Variants in PICALM observed in about 807,000 individuals in gnomAD.
PICALM encodes the protein phosphatidylinositol binding clathrin assembly protein.
In PICALM, 40 loss-of-function variants were observed where a neutral mutation model predicts 80.5. The ratio of observed to expected loss-of-function variants is 0.50; its 90% CI spans 0.39 to 0.65. The LOEUF is 0.65. Among genes scored for constraint, PICALM ranks in the 30% least tolerant of loss-of-function variants. The pLI is 0.00. For missense variants in PICALM, 676 were observed against 778.9 expected, an observed-to-expected ratio of 0.87 and a Z score of 1.57; for synonymous variants, 288 against 260.3, an observed-to-expected ratio of 1.11 and a Z score of -1.02.
chr11:85,974,943 A>G (rs965633852), intron 18 of PICALM, 131 bp from the exon 19 acceptor site: 6 of 666,440 alleles, frequency 9.0e-6, no homozygotes, highest in African/African-American at 1.8e-5. Flanking sequence ...TCCTCTGAAT[A>G]TAAGTAAGAC....
At chr11:85,961,256 C>A (rs777363327) in intron 19 of PICALM, among the ~76,000 whole-genome samples, 1 of 152,114 alleles carries the variant, frequency 6.6e-6, no homozygotes, top group African/African-American at 2.4e-5. Context: ...TCATAAGGGT[C>A]GAAAAGTCCT....
chr11:85,997,902 C>T lies in PICALM; in HGVS notation c.1155-973G>A, dbSNP rs1404448019. Among the ~76,000 whole-genome samples the T allele has an allele frequency of 2.6e-5, 4 of 152,006 alleles. No homozygotes were observed. The East Asian group carries it at 5.8e-4, about 22-fold the overall frequency. ...GGTTCCAGTGACTGGCATGCCTTAG[C>T]CTCCCAAGAAGCTGGGATTAAAGGT... is the stretch of plus-strand genomic sequence containing the variant. On this transcript the variant is annotated intron_variant, in intron 11 of 19. Coordinates refer to ENST00000393346, the MANE Select transcript of PICALM (RefSeq NM_007166.4).
chr11:85,960,219 T>C (rs908007001), intron 19 of PICALM, among the ~76,000 whole-genome samples: 4 of 151,372 alleles, frequency 2.6e-5, no homozygotes, highest in African/African-American at 7.3e-5. Flanking sequence ...ATTACTGAAG[T>C]AGATGTGCTA....
intron 12 of PICALM, 98 bp downstream of exon 12, chr11:85,996,728 A>G (rs1402984953): frequency 1.4e-5 from 10 of 729,158 alleles, no homozygotes; most frequent in Admixed American, 2.4e-5. Context: ...TCAAGTTCTC[A>G]TGTATCAAGT....
intron 19 of PICALM, among the ~76,000 whole-genome samples, chr11:85,974,055 A>G (rs572645682): frequency 6.6e-6 from 1 of 152,324 alleles, no homozygotes; most frequent in South Asian, 2.1e-4. Context: ...TTAAAAAAAA[A>G]AAATTCTTCT....
chr11:85,997,817 C>CT (rs908323324), intron 11 of PICALM, among the ~76,000 whole-genome samples: 6 of 151,922 alleles, frequency 3.9e-5, no homozygotes, highest in African/African-American at 1.2e-4. Flanking sequence ...GAGTCTCACT[C>CT]TGTTGTCCAG....
chr11:85,974,443 A>ATAAG (rs2094208419), intron 19 of PICALM: 3 of 579,702 alleles, frequency 5.2e-6, no homozygotes, highest in Non-Finnish European at 6.7e-6. Flanking sequence ...AGGCTCCTTA[A>ATAAG]TCTCAGAAAA....
intron 1 of PICALM, among the ~76,000 whole-genome samples, chr11:86,041,094 AT>A (rs1267145338): frequency 6.6e-6 from 1 of 152,200 alleles, no homozygotes; most frequent in Non-Finnish European, 1.5e-5. Context: ...TTCACACTTC[AT>A]TACAATTACT....
intron 11 of PICALM, among the ~76,000 whole-genome samples, chr11:85,998,204 C>T (rs1017919772): frequency 3.3e-5 from 5 of 152,056 alleles, no homozygotes; most frequent in African/African-American, 4.8e-5. Context: ...CTCCGCCTCC[C>T]GGGTTCATGC....
chr11:86,057,885 C>T (rs2096294060), intron 1 of PICALM, among the ~76,000 whole-genome samples: 2 of 152,150 alleles, frequency 1.3e-5, no homozygotes. Context: ...CTTGGATTTT[C>T]TTATCTGTGG....
chr11:85,960,918 G>C (rs2093666892), intron 19 of PICALM: 1 of 303,724 alleles, frequency 3.3e-6, no homozygotes, highest in Non-Finnish European at 6.4e-6. Context: ...TGTAGAAAAT[G>C]GATTGTTAAG....
chr11:85,973,983 G>A (rs1166594020), intron 19 of PICALM, among the ~76,000 whole-genome samples: 1 of 152,110 alleles, frequency 6.6e-6, no homozygotes. Flanking sequence ...CCCAGAGTAT[G>A]CCACCAGAGA....
At chr11:86,069,095 T>C, upstream of PICALM, 1 of 307,758 alleles carries the variant, frequency 3.2e-6, no homozygotes, top group Non-Finnish European at 6.1e-6. Context: ...GGCGCCAGGC[T>C]CCTCCTCGGA....
At chr11:85,997,224 AAAC>A (rs2094996171) in intron 11 of PICALM, among the ~76,000 whole-genome samples, 1 of 152,232 alleles carries the variant, frequency 6.6e-6, no homozygotes, top group African/African-American at 2.4e-5. Flanking sequence ...AAATGAACCT[AAAC>A]AACAAGATTC....
intron 1 of PICALM, among the ~76,000 whole-genome samples, chr11:86,057,072 T>C (rs1055226311): frequency 6.6e-6 from 1 of 152,162 alleles, no homozygotes; most frequent in Non-Finnish European, 1.5e-5. Flanking sequence ...GAAAATGTTC[T>C]AGAATTACAT....
At chr11:85,979,822 GC>G (rs1194910982) in intron 17 of PICALM, among the ~76,000 whole-genome samples, 3 of 152,288 alleles carry the variant, frequency 2.0e-5, no homozygotes, top group Admixed American at 6.5e-5. Context: ...ACAGCTACTA[GC>G]CTACTGTCTG....
chr11:85,962,506 T>C (rs2093722534), intron 19 of PICALM, among the ~76,000 whole-genome samples: 1 of 152,158 alleles, frequency 6.6e-6, no homozygotes, highest in Non-Finnish European at 1.5e-5. Flanking sequence ...AGACCCACAG[T>C]AAAATGCCCC....
chr11:86,067,887 A>C (rs2096468663), intron 1 of PICALM, among the ~76,000 whole-genome samples: 1 of 151,174 alleles, frequency 6.6e-6, no homozygotes, highest in South Asian at 2.1e-4. Context: ...CACAACGATT[A>C]AATTCCACCA....
In PICALM at chr11:85,976,624, A is replaced by G. The variant is rs768239913; in HGVS notation, c.1838T>C (p.Ile613Thr). Residue 613 changes from isoleucine to threonine, a missense_variant and splice_region_variant, in exon 18 of 20, where the codon ATT (isoleucine) becomes ACT (threonine). Ile to Thr is a moderately conservative substitution (Grantham distance 89). This residue lies in a region of PICALM where 391 missense variants were observed against 383.6 expected (regional missense o/e 1.02). Coordinates refer to ENST00000393346, the MANE Select transcript of PICALM (RefSeq NM_007166.4). ...TTPTGMIGYG[I>T]PPQMGSVPVM... is the part of the protein sequence containing the mutation. ...AGCTGTACCTAGGAAAATACTTACA[A>G]TTCCATATCCTATCATGCCTGTTGG... 61 of 1,582,914 alleles carry G rather than the reference A, an allele frequency of 3.9e-5. No homozygotes were observed. Among genetic ancestry groups the G allele is most frequent in the Non-Finnish European group, 4.8e-5 (55 of 1,151,850 alleles).
Sources: allele counts gnomAD v4.1 joint callset (sites outside exome capture counted in the v4.1 genomes callset), GRCh38; gene constraint gnomAD v4.1.1; regional missense constraint gnomAD v4.1.1; transcripts MANE v1.5; gene names NCBI Gene and HGNC (gene_info 2026-07-23, HGNC 2026-07-21).